CTIF: variants seen among roughly 807,000 people sequenced by gnomAD.
CTIF encodes the protein cap binding complex dependent translation initiation factor.
CTIF carries 21 observed loss-of-function variants against 66.0 expected under a neutral mutation model. That is an observed-to-expected ratio of 0.32 (90% CI 0.23 to 0.46). The LOEUF (loss-of-function observed/expected upper bound fraction) is 0.46. Among genes scored for constraint, CTIF ranks in the 20% least tolerant of loss-of-function variants. CTIF has a pLI of 1.00. For synonymous variants in CTIF, 345 were observed against 326.4 expected, an observed-to-expected ratio of 1.06 and a Z score of -0.62; for missense variants, 739 against 812.7, an observed-to-expected ratio of 0.91 and a Z score of 1.10.
intron 1 of CTIF, chr18:48,539,670 CTG>C (rs1392605678): frequency 2.6e-5 from 4 of 152,606 alleles, no homozygotes; most frequent in African/African-American, 9.6e-5. Context: ...CGCTTTGGAG[CTG>C]CGCGGTGTAG....
intron 9 of CTIF, among the ~76,000 whole-genome samples, chr18:48,812,753 CAAAAAA>C (rs751864883): frequency 1.5e-5 from 1 of 67,676 alleles, no homozygotes; most frequent in African/African-American, 4.9e-5. Context: ...GACCCTGTCT[CAAAAAA>C]AAAAAAAAAA....
rs145738746 is a variant in CTIF at position 48,546,134 on chromosome 18, A to G, written c.-29+6822A>G. ...GGGGAGAGAAGATATGAACATATGA[A>G]GCCACTAAAAAGCTGTAACAACCCC... On this transcript the variant is annotated intron_variant, in intron 1 of 11. Transcript: ENST00000256413. Among the ~76,000 whole-genome samples the G allele has an allele frequency of 1.8e-3, 271 of 152,284 alleles. 1 individual carries two copies. Among genetic ancestry groups the G allele is most frequent in the African/African-American group, 6.2e-3 (256 of 41,552 alleles).
chr18:48,809,548 A>G (rs185639521), intron 9 of CTIF, among the ~76,000 whole-genome samples: 20 of 152,244 alleles, frequency 1.3e-4, no homozygotes, highest in Admixed American at 1.3e-3. Flanking sequence ...ACTTACTATC[A>G]TGAGATTTTG....
chr18:48,649,737 CT>C (rs1362420090), intron 3 of CTIF, among the ~76,000 whole-genome samples: 1 of 152,178 alleles, frequency 6.6e-6, no homozygotes, highest in African/African-American at 2.4e-5. Flanking sequence ...AGGTGCACCT[CT>C]GGGACAAAGC....
intron 9 of CTIF, among the ~76,000 whole-genome samples, chr18:48,763,629 A>G (rs752249672): frequency 6.6e-6 from 1 of 152,238 alleles, no homozygotes; most frequent in Non-Finnish European, 1.5e-5. Flanking sequence ...AGAAAACACA[A>G]AATTGAAAGC....
At chr18:48,854,933 CA>C (rs1291614060) in intron 10 of CTIF, among the ~76,000 whole-genome samples, 2 of 152,192 alleles carry the variant, frequency 1.3e-5, no homozygotes, top group Admixed American at 1.3e-4. Flanking sequence ...TTCATCACCT[CA>C]CAAGTGCTGC....
At chr18:48,654,645 A>C (rs1271568553) in intron 3 of CTIF, among the ~76,000 whole-genome samples, 10 of 152,244 alleles carry the variant, frequency 6.6e-5, no homozygotes, top group Non-Finnish European at 1.5e-4. Context: ...AAGGATTATA[A>C]ATCATGCTAC....
At chr18:48,831,213 T>G (rs755686887) in intron 10 of CTIF, among the ~76,000 whole-genome samples, 1 of 152,250 alleles carries the variant, frequency 6.6e-6, no homozygotes, top group Non-Finnish European at 1.5e-5. Context: ...GCCCACACTG[T>G]GAGTGAACCA....
chr18:48,843,114 C>T (rs983486584), intron 10 of CTIF, among the ~76,000 whole-genome samples: 1 of 151,992 alleles, frequency 6.6e-6, no homozygotes, highest in Non-Finnish European at 1.5e-5. Flanking sequence ...CAGGACTGGC[C>T]CCTGGCTGCC....
At chr18:48,815,671 C>A (rs2068347718) in intron 9 of CTIF, among the ~76,000 whole-genome samples, 1 of 152,212 alleles carries the variant, frequency 6.6e-6, no homozygotes, top group South Asian at 2.1e-4. Flanking sequence ...GACCAAGGCC[C>A]ACCCTCTAGA....
Position 48,857,500 on chromosome 18 carries a change from T to C in CTIF, c.1528-88T>C. ...TTACAGGCCGCATCAGGGCTGGGGC[T>C]GCAGGTCGGCGGGGGCTGCAGGGAG... On this transcript the variant is annotated intron_variant, in intron 10 of 11. Coordinates refer to ENST00000256413, the MANE Select transcript of CTIF (RefSeq NM_014772.3). 5.0e-6 allele frequency: 6 copies of C among 1,197,692 alleles called. No homozygotes were observed. The South Asian group carries it at 8.9e-5, about 18-fold the overall frequency. 74.2% of individuals were successfully genotyped at this position (1,197,692 alleles called of 1,614,324 possible).
chr18:48,648,555 C>A (rs544039026), intron 3 of CTIF, among the ~76,000 whole-genome samples: 1 of 152,090 alleles, frequency 6.6e-6, no homozygotes, highest in South Asian at 2.1e-4. Context: ...GGGTTCTGCC[C>A]CCTGACACCT....
At chr18:48,663,095 G>A (rs2091374575) in intron 3 of CTIF, among the ~76,000 whole-genome samples, 1 of 152,200 alleles carries the variant, frequency 6.6e-6, no homozygotes, top group African/African-American at 2.4e-5. Context: ...TTTAAAGAGT[G>A]TGACGATGGA....
intron 3 of CTIF, among the ~76,000 whole-genome samples, chr18:48,655,307 AAAAAAAAAAAAAAG>A (rs1281926813): frequency 1.3e-5 from 2 of 150,272 alleles, no homozygotes; most frequent in African/African-American, 4.9e-5. Context: ...TAAAAAAAAA[AAAAAAAAAAAAAAG>A]AAGAATAAAA....
intron 1 of CTIF, among the ~76,000 whole-genome samples, chr18:48,553,065 G>A (rs1013433050): frequency 6.6e-6 from 1 of 152,222 alleles, no homozygotes; most frequent in Non-Finnish European, 1.5e-5. Context: ...ACACCTGAGG[G>A]AACAGTTGCA....
chr18:48,676,660 C>T (rs1261273161), intron 6 of CTIF, among the ~76,000 whole-genome samples: 1 of 151,962 alleles, frequency 6.6e-6, no homozygotes, highest in African/African-American at 2.4e-5. Context: ...CAAAGCATTC[C>T]CCATTGAGGG....
At chr18:48,647,288 A>C (rs967603380) in intron 3 of CTIF, among the ~76,000 whole-genome samples, 1 of 152,180 alleles carries the variant, frequency 6.6e-6, no homozygotes, top group Non-Finnish European at 1.5e-5. Context: ...GGTTGCCAGG[A>C]TGAGGGAAGG....
intron 10 of CTIF, among the ~76,000 whole-genome samples, chr18:48,818,811 C>G (rs779446792): frequency 1.2e-4 from 18 of 152,048 alleles, no homozygotes; most frequent in Non-Finnish European, 2.5e-4. Flanking sequence ...AGGACCAGGA[C>G]AGAAAAGTGT....
chr18:48,692,214 A>G, intron 6 of CTIF, among the ~76,000 whole-genome samples: 1 of 152,082 alleles, frequency 6.6e-6, no homozygotes, highest in East Asian at 1.9e-4. Context: ...CCCTTGCTCA[A>G]CTCAACTGGG....
Sources: allele counts gnomAD v4.1 joint callset (sites outside exome capture counted in the v4.1 genomes callset), GRCh38; gene constraint gnomAD v4.1.1; transcripts MANE v1.5; gene names NCBI Gene and HGNC (gene_info 2026-07-23, HGNC 2026-07-21).